Variants in TENM4 observed in about 807,000 individuals in gnomAD.
The protein encoded by TENM4 is teneurin-4.
TENM4 carries 82 observed loss-of-function variants against 243.3 expected under a neutral mutation model. The ratio of observed to expected loss-of-function variants is 0.34; its 90% CI spans 0.28 to 0.40. The LOEUF (loss-of-function observed/expected upper bound fraction) is 0.40, where lower values mean the gene tolerates loss of function less well. TENM4 is among the 10% of genes least tolerant of loss of function. The pLI is 1.00. For synonymous variants in TENM4, 1,412 were observed against 1,456.3 expected, an observed-to-expected ratio of 0.97 and a Z score of 0.69; for missense variants, 3,138 against 3,673.3, an observed-to-expected ratio of 0.85 and a Z score of 3.77.
intron 2 of TENM4, among the ~76,000 whole-genome samples, chr11:79,272,915 G>A (rs777612029): frequency 4.6e-5 from 7 of 152,068 alleles, no homozygotes; most frequent in Admixed American, 2.0e-4. Context: ...TGTACATAGC[G>A]GACACCCAGT....
chr11:79,224,843 C>T (rs527402244), intron 2 of TENM4, among the ~76,000 whole-genome samples: 3 of 151,836 alleles, frequency 2.0e-5, no homozygotes, highest in South Asian at 2.1e-4. Flanking sequence ...CTCAGCTACT[C>T]GGGAGGCTGA....
chr11:79,054,173 A>G (rs1859878715), intron 6 of TENM4, among the ~76,000 whole-genome samples: 1 of 152,110 alleles, frequency 6.6e-6, no homozygotes. Context: ...CGGCTTATTA[A>G]TCATCCCAAT....
At chr11:79,356,447 G>T (rs150037337) in intron 1 of TENM4, among the ~76,000 whole-genome samples, 18 of 152,156 alleles carry the variant, frequency 1.2e-4, no homozygotes, top group Non-Finnish European at 2.5e-4. Flanking sequence ...CTACTACAGC[G>T]TGGGGCTAGG....
intron 29 of TENM4, among the ~76,000 whole-genome samples, chr11:78,684,826 A>C (rs1196101285): frequency 6.6e-6 from 1 of 152,212 alleles, no homozygotes; most frequent in African/African-American, 2.4e-5. Flanking sequence ...AAATGCTGAA[A>C]ATATGCTTTG....
chr11:78,980,676 T>C (rs558511961), intron 6 of TENM4, among the ~76,000 whole-genome samples: 2 of 152,338 alleles, frequency 1.3e-5, no homozygotes, highest in South Asian at 4.1e-4. Context: ...CACCACTTAG[T>C]AGCTGTACAA....
chr11:79,033,366 A>G (rs1405484803), intron 6 of TENM4, among the ~76,000 whole-genome samples: 1 of 152,144 alleles, frequency 6.6e-6, no homozygotes, highest in East Asian at 1.9e-4. Context: ...GGAAGAATTA[A>G]GTTCTGTTTT....
chr11:79,021,020 T>C (rs959146592), intron 6 of TENM4, among the ~76,000 whole-genome samples: 2 of 152,230 alleles, frequency 1.3e-5, no homozygotes, highest in African/African-American at 4.8e-5. Context: ...AGGATGTGCC[T>C]TATTCATCTT....
At chr11:79,161,040 T>C (rs1267396083) in intron 3 of TENM4, among the ~76,000 whole-genome samples, 2 of 152,196 alleles carry the variant, frequency 1.3e-5, no homozygotes, top group Admixed American at 6.5e-5. Context: ...GCCATCTTTG[T>C]CTCTGGGGTT....
chr11:78,966,308 A>G (rs1591169170), intron 6 of TENM4, among the ~76,000 whole-genome samples: 1 of 152,360 alleles, frequency 6.6e-6, no homozygotes, highest in East Asian at 1.9e-4. Flanking sequence ...TGTGGCAGCC[A>G]GTAAATACCT....
At chr11:79,363,891 T>C (rs530850300) in intron 1 of TENM4, among the ~76,000 whole-genome samples, 71 of 152,344 alleles carry the variant, frequency 4.7e-4, no homozygotes, top group African/African-American at 1.6e-3. Context: ...CCTTCCTTTA[T>C]TGTTTCAGTG....
intron 2 of TENM4, among the ~76,000 whole-genome samples, chr11:79,225,402 A>G (rs1864243260): frequency 6.6e-6 from 1 of 151,958 alleles, no homozygotes; most frequent in African/African-American, 2.4e-5. Flanking sequence ...TGGATTCTTG[A>G]GATGGTATTA....
At chr11:79,412,985 A>G (rs1858734098) in intron 1 of TENM4, among the ~76,000 whole-genome samples, 1 of 152,228 alleles carries the variant, frequency 6.6e-6, no homozygotes, top group African/African-American at 2.4e-5. Flanking sequence ...GGCAGGTGCT[A>G]GAGGCACCCA....
chr11:79,345,651 G>A (rs1057110314), intron 1 of TENM4, among the ~76,000 whole-genome samples: 4 of 152,180 alleles, frequency 2.6e-5, no homozygotes, highest in Non-Finnish European at 4.4e-5. Flanking sequence ...AGGAGTTCAG[G>A]TAAGCTTATC....
intron 6 of TENM4, among the ~76,000 whole-genome samples, chr11:78,971,449 C>T (rs190722613): frequency 1.3e-5 from 2 of 152,072 alleles, no homozygotes; most frequent in Admixed American, 6.5e-5. Flanking sequence ...ACTATAGGCA[C>T]GCGCCACCAT....
At chr11:78,928,750 A>G (rs1270671396) in intron 6 of TENM4, among the ~76,000 whole-genome samples, 2 of 152,250 alleles carry the variant, frequency 1.3e-5, no homozygotes, top group Admixed American at 1.3e-4. Context: ...AGGGACTACC[A>G]AACAAGTACT....
At chr11:78,756,087 C>T (rs995223751) in intron 19 of TENM4, among the ~76,000 whole-genome samples, 9 of 152,146 alleles carry the variant, frequency 5.9e-5, no homozygotes, top group African/African-American at 1.7e-4. Context: ...CACACTCTCT[C>T]CCTTCCTTGC....
chr11:78,736,720 T>C (rs1465469823), intron 20 of TENM4, among the ~76,000 whole-genome samples: 1 of 152,180 alleles, frequency 6.6e-6, no homozygotes, highest in Admixed American at 6.6e-5. Context: ...ACAGAGATTT[T>C]TGGATACTAA....
chr11:79,044,708 G>A (rs1479098484), intron 6 of TENM4, among the ~76,000 whole-genome samples: 1 of 152,182 alleles, frequency 6.6e-6, no homozygotes, highest in Non-Finnish European at 1.5e-5. Context: ...GGTTTCCCAT[G>A]TATAAAGTAG....
At chr11:78,971,015 TA>T (rs1016597351) in intron 6 of TENM4, among the ~76,000 whole-genome samples, 1 of 152,008 alleles carries the variant, frequency 6.6e-6, no homozygotes, top group East Asian at 1.9e-4. Flanking sequence ...TTTATTTATT[TA>T]AAAAATTTAT....
Sources: allele counts gnomAD v4.1 joint callset (sites outside exome capture counted in the v4.1 genomes callset), GRCh38; gene constraint gnomAD v4.1.1; transcripts MANE v1.5; gene names NCBI Gene and HGNC (gene_info 2026-07-23, HGNC 2026-07-21).